Variants in TSHZ2 observed in about 807,000 individuals in gnomAD.
TSHZ2 encodes teashirt homolog 2.
TSHZ2 carries 21 observed loss-of-function variants against 74.4 expected under a neutral mutation model. The observed-to-expected ratio is 0.28, with a 90% CI of 0.20 to 0.41. The LOEUF (loss-of-function observed/expected upper bound fraction) is 0.41. Among genes scored for constraint, TSHZ2 ranks in the 10% least tolerant of loss-of-function variants. The probability of loss-of-function intolerance (pLI) is 1.00; values close to 1 mark genes in which losing one functional copy is unlikely to be tolerated. For missense variants in TSHZ2, 1,244 were observed against 1,293.5 expected, an observed-to-expected ratio of 0.96 and a Z score of 0.59; for synonymous variants, 540 against 515.3, an observed-to-expected ratio of 1.05 and a Z score of -0.65.
At chr20:53,352,703 G>A (rs1980693704) in intron 2 of TSHZ2, among the ~76,000 whole-genome samples, 1 of 151,732 alleles carries the variant, frequency 6.6e-6, no homozygotes, top group South Asian at 2.1e-4. Context: ...GAACTTGGGA[G>A]GCGGAGGCTG....
At chr20:53,224,050 G>A (rs1989627354) in intron 1 of TSHZ2, among the ~76,000 whole-genome samples, 1 of 152,102 alleles carries the variant, frequency 6.6e-6, no homozygotes, top group Non-Finnish European at 1.5e-5. Flanking sequence ...AGGGAAAACA[G>A]GGGAAGGATA....
chr20:53,039,511 T>C (rs538765272), intron 1 of TSHZ2, among the ~76,000 whole-genome samples: 1 of 152,296 alleles, frequency 6.6e-6, no homozygotes, highest in East Asian at 1.9e-4. Flanking sequence ...GCACTGGGGA[T>C]ACAGCAGTGA....
intron 1 of TSHZ2, among the ~76,000 whole-genome samples, chr20:53,033,074 A>T (rs944498237): frequency 2.0e-5 from 3 of 152,366 alleles, no homozygotes; most frequent in African/African-American, 7.2e-5. Context: ...CCATGCCCAG[A>T]AAGTTGATAG....
At chr20:53,270,237 G>C (rs759193638) in intron 2 of TSHZ2, among the ~76,000 whole-genome samples, 3 of 152,068 alleles carry the variant, frequency 2.0e-5, no homozygotes, top group Non-Finnish European at 4.4e-5. Flanking sequence ...TGCACACACA[G>C]AGCACCCTTG....
intron 1 of TSHZ2, among the ~76,000 whole-genome samples, chr20:53,039,334 A>T (rs926025320): frequency 2.0e-5 from 3 of 152,116 alleles, no homozygotes; most frequent in Admixed American, 6.6e-5. Flanking sequence ...GTTGTTCTTT[A>T]ATTTGTCTAC....
intron 2 of TSHZ2, among the ~76,000 whole-genome samples, chr20:53,313,547 C>G (rs772307671): frequency 7.9e-5 from 12 of 152,320 alleles, no homozygotes; most frequent in Admixed American, 1.3e-4. Context: ...AGCTCTCCAT[C>G]TCATCCTTCA....
chr20:53,195,425 G>A (rs1169999853), intron 1 of TSHZ2, among the ~76,000 whole-genome samples: 5 of 152,070 alleles, frequency 3.3e-5, no homozygotes, highest in Non-Finnish European at 7.4e-5. Context: ...AAGATATACA[G>A]GTAAATAAAG....
chr20:53,379,637 G>A (rs936422426), intron 2 of TSHZ2, among the ~76,000 whole-genome samples: 8 of 152,034 alleles, frequency 5.3e-5, no homozygotes, highest in African/African-American at 1.9e-4. Context: ...AAGCCCAATG[G>A]TGCCATAAAT....
At chr20:53,413,000 T>C (rs1983107418) in intron 2 of TSHZ2, 1 of 152,286 alleles carries the variant, frequency 6.6e-6, no homozygotes, top group Non-Finnish European at 1.5e-5. Flanking sequence ...GGGTTTGTCT[T>C]GGCTCAGGTT....
intron 1 of TSHZ2, among the ~76,000 whole-genome samples, chr20:53,246,449 A>G (rs1411817565): frequency 6.6e-6 from 1 of 151,950 alleles, no homozygotes; most frequent in African/African-American, 2.4e-5. Context: ...TACCTTCACA[A>G]CTGAGAACGG....
intron 1 of TSHZ2, among the ~76,000 whole-genome samples, chr20:53,111,260 A>C (rs932731393): frequency 6.6e-6 from 1 of 152,230 alleles, no homozygotes; most frequent in African/African-American, 2.4e-5. Flanking sequence ...TCAGTCAATG[A>C]ATATACACTA....
intron 1 of TSHZ2, among the ~76,000 whole-genome samples, chr20:53,225,459 C>T (rs532078964): frequency 2.5e-4 from 38 of 152,292 alleles, no homozygotes; most frequent in South Asian, 4.1e-4. Context: ...CGAAGGTTAA[C>T]GGAGATTGGA....
At chr20:53,107,094 G>A (rs1320744573) in intron 1 of TSHZ2, among the ~76,000 whole-genome samples, 1 of 152,124 alleles carries the variant, frequency 6.6e-6, no homozygotes, top group Non-Finnish European at 1.5e-5. Context: ...TAGGGTCCTG[G>A]TGCCCAGAAC....
intron 2 of TSHZ2, among the ~76,000 whole-genome samples, chr20:53,313,681 A>G (rs747117817): frequency 2.0e-5 from 3 of 152,200 alleles, no homozygotes; most frequent in Non-Finnish European, 2.9e-5. Context: ...TTATTTTCCC[A>G]TTTTTAATAC....
chr20:53,327,241 C>T (rs531871679), intron 2 of TSHZ2, among the ~76,000 whole-genome samples: 2 of 152,190 alleles, frequency 1.3e-5, no homozygotes, highest in Non-Finnish European at 2.9e-5. Flanking sequence ...CAAGGAAGAT[C>T]CCCTCGTCAT....
At position 53,084,002 on chromosome 20, in the gene TSHZ2, ATAT is replaced by A. The variant is rs528024634; in HGVS notation, c.40+110675_40+110677del. ...GTTTCTCTGATTTAAAAAAACTAAAATATTATTAAAAATTAAATAAGATAACAT... is the reference window on the plus strand; with the variant it reads ...GTTTCTCTGATTTAAAAAAACTAAAATATTAAAAATTAAATAAGATAACAT... On this transcript the variant is annotated intron_variant, in intron 1 of 2. Transcript: ENST00000371497. 2.0e-3 allele frequency among the ~76,000 whole-genome samples: 300 copies of A among 152,280 alleles called. 4 individuals carry two copies. The highest frequency in any genetic ancestry group is 7.1e-3 in the African/African-American group (294 of 41,584).
intron 2 of TSHZ2, among the ~76,000 whole-genome samples, chr20:53,267,529 C>T (rs1263479564): frequency 2.6e-5 from 4 of 152,196 alleles, no homozygotes; most frequent in Non-Finnish European, 5.9e-5. Flanking sequence ...TAATGAAAAG[C>T]CCCAGCCTCA....
chr20:53,075,800 AC>A (rs1362848659), intron 1 of TSHZ2, among the ~76,000 whole-genome samples: 8 of 152,186 alleles, frequency 5.3e-5, no homozygotes, highest in Non-Finnish European at 1.2e-4. Flanking sequence ...CAAGTCAGCC[AC>A]CATCGGTGGG....
In TSHZ2 at chr20:53,132,377, T is replaced by C. The variant is rs187145392; in HGVS notation, c.41-121122T>C. On this transcript the variant is annotated intron_variant, in intron 1 of 2. Coordinates refer to ENST00000371497, the MANE Select transcript of TSHZ2 (RefSeq NM_173485.6). ...CCCAGGCTGGAGTGCAGTGGCACCA[T>C]CTTGGCTCACTGCAACCTCAGCCTC... Among the ~76,000 whole-genome samples the C allele has an allele frequency of 4.2e-3, 631 of 150,916 alleles. 5 individuals are homozygous for C. Among genetic ancestry groups the C allele is most frequent in the African/African-American group, 0.014 (583 of 40,806 alleles).
Sources: gnomAD v4.1 joint callset for allele counts (sites outside exome capture counted in the v4.1 genomes callset) on GRCh38, gnomAD v4.1.1 for gene constraint, MANE v1.5 for transcripts, NCBI Gene and HGNC (gene_info 2026-07-23, HGNC 2026-07-21) for gene names.